PLXNA4: variants seen among roughly 807,000 people sequenced by gnomAD.
PLXNA4 encodes the protein plexin-A4.
In PLXNA4, 44 loss-of-function variants were observed where a neutral mutation model predicts 191.8. The observed-to-expected ratio is 0.23, with a 90% CI of 0.18 to 0.29. The LOEUF (loss-of-function observed/expected upper bound fraction) is 0.29, where lower values mean the gene tolerates loss of function less well. Ranked by LOEUF, PLXNA4 falls within the 10% of genes least tolerant of loss-of-function variation. PLXNA4 has a pLI of 1.00. For missense variants in PLXNA4, 1,800 were observed against 2,488.8 expected (o/e 0.72, Z 5.89); for synonymous variants, 1,082 against 1,009.5 (o/e 1.07, Z -1.36).
At chr7:132,310,484 T>A (rs1403233986) in intron 3 of PLXNA4, among the ~76,000 whole-genome samples, 1 of 152,166 alleles carries the variant, frequency 6.6e-6, no homozygotes, top group African/African-American at 2.4e-5. Context: ...TGGAAAAAGA[T>A]CAGAAGGGTC....
intron 4 of PLXNA4, among the ~76,000 whole-genome samples, chr7:132,265,422 G>A (rs1188180637): frequency 2.6e-5 from 4 of 152,152 alleles, no homozygotes; most frequent in Admixed American, 2.6e-4. Context: ...AGAAGCCTTT[G>A]GAACCATTAT....
At chr7:132,556,611 A>G (rs537636856) in intron 1 of PLXNA4, among the ~76,000 whole-genome samples, 1 of 152,230 alleles carries the variant, frequency 6.6e-6, no homozygotes, top group Non-Finnish European at 1.5e-5. Context: ...TCCAAAGTCT[A>G]TCCTGGGTCC....
At chr7:132,640,057 G>T (rs181546607) in intron 2 of PLXNA4, among the ~76,000 whole-genome samples, 10 of 152,328 alleles carry the variant, frequency 6.6e-5, no homozygotes, top group Non-Finnish European at 1.3e-4. Context: ...ACTAAGACAG[G>T]ATTTGGCCTT....
intron 1 of PLXNA4, among the ~76,000 whole-genome samples, chr7:132,563,361 TCC>T (rs1801445760): frequency 9.6e-6 from 1 of 104,264 alleles, no homozygotes; most frequent in Non-Finnish European, 2.0e-5. Flanking sequence ...CTCCTCCTTC[TCC>T]TCCTCCTCCT....
At chr7:132,292,490 C>T (rs1309849236) in intron 4 of PLXNA4, among the ~76,000 whole-genome samples, 1 of 152,204 alleles carries the variant, frequency 6.6e-6, no homozygotes, top group Non-Finnish European at 1.5e-5. Context: ...CAGAATCCTG[C>T]CATCTCTATT....
At chr7:132,524,784 G>A (rs1799332233) in intron 1 of PLXNA4, among the ~76,000 whole-genome samples, 1 of 152,018 alleles carries the variant, frequency 6.6e-6, no homozygotes, top group South Asian at 2.1e-4. Flanking sequence ...AGCCAGGATG[G>A]TATCGATCTC....
intron 25 of PLXNA4, among the ~76,000 whole-genome samples, chr7:132,152,964 C>T (rs1402252832): frequency 6.6e-6 from 1 of 152,224 alleles, no homozygotes; most frequent in Non-Finnish European, 1.5e-5. Context: ...TTGCCATGTG[C>T]CCCCAGTGTG....
intron 3 of PLXNA4, among the ~76,000 whole-genome samples, chr7:132,326,101 A>AG (rs1264577014): frequency 3.9e-5 from 6 of 152,066 alleles, no homozygotes; most frequent in Admixed American, 1.3e-4. Flanking sequence ...CTTCCCAGTG[A>AG]GGGGGGGTCT....
intron 3 of PLXNA4, among the ~76,000 whole-genome samples, chr7:132,483,607 G>A (rs1797424992): frequency 6.6e-6 from 1 of 152,196 alleles, no homozygotes; most frequent in Non-Finnish European, 1.5e-5. Flanking sequence ...GATTTGGGGT[G>A]TTTGTGCAGC....
intron 21 of PLXNA4, among the ~76,000 whole-genome samples, chr7:132,172,475 C>T (rs1039712076): frequency 4.6e-5 from 7 of 152,152 alleles, no homozygotes; most frequent in African/African-American, 1.7e-4. Flanking sequence ...TAAGCAGGAA[C>T]CCCAGTGGCT....
At chr7:132,624,523 A>T (rs935944973) in intron 2 of PLXNA4, among the ~76,000 whole-genome samples, 1 of 152,192 alleles carries the variant, frequency 6.6e-6, no homozygotes, top group African/African-American at 2.4e-5. Context: ...GAATGAGCAG[A>T]TCAGCACAAA....
chr7:132,197,327 T>C lies in PLXNA4; in HGVS notation c.2738+1158A>G, dbSNP rs576704059. Among the ~76,000 whole-genome samples, 19 of 152,360 alleles carry C rather than the reference T, an allele frequency of 1.2e-4. No homozygotes were observed. The East Asian group carries it at 3.3e-3, about 26-fold the overall frequency. On this transcript the variant is annotated intron_variant, in intron 13 of 31. Coordinates refer to ENST00000321063, the MANE Select transcript of PLXNA4 (RefSeq NM_020911.2). ...GTATTTCCTTGGGTGATTTGAAATA[T>C]CACCTCTATTACATACTAAATTTGT... is the stretch of plus-strand genomic sequence containing the variant.
intron 3 of PLXNA4, among the ~76,000 whole-genome samples, chr7:132,364,399 A>C (rs1473574056): frequency 6.6e-6 from 1 of 152,194 alleles, no homozygotes; most frequent in African/African-American, 2.4e-5. Flanking sequence ...CCAGAGCACA[A>C]AGCTTTAGAC....
At chr7:132,472,408 C>A (rs555548724) in intron 3 of PLXNA4, among the ~76,000 whole-genome samples, 4 of 152,280 alleles carry the variant, frequency 2.6e-5, no homozygotes, top group African/African-American at 9.6e-5. Context: ...TTATGATTAT[C>A]ATATTTTTAA....
At chr7:132,292,117 G>A (rs547468125) in intron 4 of PLXNA4, among the ~76,000 whole-genome samples, 1 of 152,322 alleles carries the variant, frequency 6.6e-6, no homozygotes, top group African/African-American at 2.4e-5. Context: ...TCAAACAGCA[G>A]TGGGGAGTCA....
At chr7:132,187,757 G>A (rs533276201) in intron 14 of PLXNA4, 150 bp from the exon 15 acceptor site, 1 of 1,384,886 alleles carries the variant, frequency 7.2e-7, no homozygotes, top group African/African-American at 1.4e-5. Context: ...GTTCTCTTAG[G>A]CTTGCGTGGA....
At chr7:132,346,277 C>T (rs1269031369) in intron 3 of PLXNA4, among the ~76,000 whole-genome samples, 5 of 152,166 alleles carry the variant, frequency 3.3e-5, no homozygotes, top group East Asian at 3.8e-4. Context: ...GCATGCCTTA[C>T]GAGTACAAAG....
chr7:132,305,045 C>T (rs1274093498), intron 3 of PLXNA4, among the ~76,000 whole-genome samples: 2 of 152,172 alleles, frequency 1.3e-5, no homozygotes, highest in Non-Finnish European at 2.9e-5. Context: ...CCCTGGTACC[C>T]CTGCTCGTGG....
rs150340106 is a variant in PLXNA4 at position 132,586,312 on chromosome 7, G to T, written c.-87+59616C>A. ...AGAAACATATTAAATGTAAGTATTTGCAATCCTGCTCCATCCTAAAGAAAA... is the reference window on the plus strand; with the variant it reads ...AGAAACATATTAAATGTAAGTATTTTCAATCCTGCTCCATCCTAAAGAAAA... On this transcript the variant is annotated intron_variant, in intron 2 of 4. Coordinates refer to the PLXNA4 transcript ENST00000378539. Among the ~76,000 whole-genome samples, 482 of 152,314 alleles carry T rather than the reference G, an allele frequency of 3.2e-3. 2 individuals carry two copies. The highest frequency in any genetic ancestry group is 3.9e-3 in the Admixed American group (60 of 15,306).
Sources: gnomAD v4.1 joint callset for allele counts (sites outside exome capture counted in the v4.1 genomes callset) on GRCh38, gnomAD v4.1.1 for gene constraint, MANE v1.5 for transcripts, NCBI Gene and HGNC (gene_info 2026-07-23, HGNC 2026-07-21) for gene names.